Variants in ZNF141 observed in about 807,000 individuals in gnomAD.
ZNF141 encodes the protein zinc finger protein 141, also known as zinc finger protein 141 (clone pHZ-44).
ZNF141 carries 7 observed loss-of-function variants against 11.3 expected under a neutral mutation model. The observed-to-expected ratio is 0.62, with a 90% CI of 0.35 to 1.16. The LOEUF (loss-of-function observed/expected upper bound fraction) is 1.16, where lower values mean the gene tolerates loss of function less well. Ranked by LOEUF, ZNF141 falls within the 50% of genes most tolerant of loss-of-function variation. The probability of loss-of-function intolerance (pLI) is 0.02; values close to 1 mark genes in which losing one functional copy is unlikely to be tolerated. For missense variants in ZNF141, 535 were observed against 554.0 expected (o/e 0.97, Z 0.34); for synonymous variants, 183 against 190.7 (o/e 0.96, Z 0.33).
At position 375,440 on chromosome 4, in the gene ZNF141, A is replaced by G. The variant is rs1414379666; in HGVS notation, c.*1578A>G. Among the ~76,000 whole-genome samples the G allele has an allele frequency of 6.6e-6, 1 of 152,136 alleles. No individual in the cohort carries two copies. The highest frequency in any genetic ancestry group is 2.4e-5 in the African/African-American group (1 of 41,456). ...TCAAAAACTGCAGCTTAAACAGTTT[A>G]CACTAGAAAATATTTTGTAGATGCA... On this transcript the variant is annotated 3_prime_UTR_variant, in exon 4 of 4. Coordinates refer to ENST00000240499, the MANE Select transcript of ZNF141 (RefSeq NM_003441.4).
At chr4:362,390 C>T (rs530514695) in intron 3 of ZNF141, among the ~76,000 whole-genome samples, 2 of 152,266 alleles carry the variant, frequency 1.3e-5, no homozygotes, top group African/African-American at 4.8e-5. Flanking sequence ...TAATTAGATT[C>T]CATTTGTCAA....
At chr4:338,127 C>T in intron 1 of ZNF141, 141 bp downstream of exon 1, 2 of 1,109,882 alleles carry the variant, frequency 1.8e-6, no homozygotes, top group Non-Finnish European at 2.6e-6. Context: ...CGGTGAGGGA[C>T]CTGGGCTCCT....
In ZNF141 at chr4:373,256, TA is replaced by T; in HGVS notation, c.821del (p.Lys274ArgfsTer81). The T allele has an allele frequency of 6.2e-7, 1 of 1,613,884 alleles. No individual in the cohort carries two copies. The highest frequency in any genetic ancestry group is 8.5e-7 in the Non-Finnish European group (1 of 1,179,960). ...FNRFTTLTKH[K>X]RIHAGEKPIT... ...ATAGGTTCACAACCCTTACTAAACA[TA>T]AGAGAATTCATGCTGGAGAGAAACC... On this transcript the variant is annotated frameshift_variant, in exon 4 of 4. Coordinates refer to ENST00000240499, the MANE Select transcript of ZNF141 (RefSeq NM_003441.4). LOFTEE classifies it low-confidence loss of function (END_TRUNC).
At chr4:356,920 C>A (rs1721869052) in intron 3 of ZNF141, among the ~76,000 whole-genome samples, 1 of 151,850 alleles carries the variant, frequency 6.6e-6, no homozygotes, top group African/African-American at 2.4e-5. Flanking sequence ...AAGAGACTTA[C>A]ATGAAACCTC....
At chr4:371,763 A>T (rs1484458405) in intron 3 of ZNF141, among the ~76,000 whole-genome samples, 1 of 149,034 alleles carries the variant, frequency 6.7e-6, no homozygotes, top group African/African-American at 2.5e-5. Flanking sequence ...GATGGTCTCT[A>T]TCTCCTGACC....
In ZNF141 at chr4:370,845, C is replaced by T. The variant is rs570408580; in HGVS notation, c.227-1819C>T. On this transcript the variant is annotated intron_variant, in intron 3 of 3. Coordinates refer to ENST00000240499, the MANE Select transcript of ZNF141 (RefSeq NM_003441.4). ...TCCCAGGTTCACACCATTCTCCTGCCTCAGCCTCCCGCATAGCTGGGACTA... is the reference window on the plus strand; with the variant it reads ...TCCCAGGTTCACACCATTCTCCTGCTTCAGCCTCCCGCATAGCTGGGACTA... Among the ~76,000 whole-genome samples, 17 of 152,116 alleles carry T rather than the reference C, an allele frequency of 1.1e-4. 1 individual carries two copies. Among genetic ancestry groups the T allele is most frequent in the African/African-American group, 3.9e-4 (16 of 41,520 alleles).
Position 382,671 on chromosome 4 carries a change from G to T in ZNF141, c.*8809G>T, listed in dbSNP as rs1553855873. On this transcript the variant is annotated 3_prime_UTR_variant, in exon 4 of 4. Transcript: ENST00000240499. ...TCCCTGGAGTGAATTATTTCCAATG[G>T]TGAAGAGTAATGGATGGATGGCATG... 6.5e-6 allele frequency: 1 copy of T among 152,764 alleles called. No homozygotes were observed. The highest frequency in any genetic ancestry group is 2.4e-5 in the African/African-American group (1 of 41,444). 9.5% of individuals were successfully genotyped at this position (152,764 alleles called of 1,614,324 possible). A position where few individuals can be genotyped will look rare whatever the true frequency, so the allele number is the denominator to read the frequency against.
At chr4:338,798 T>C (rs1320418162) in intron 1 of ZNF141, among the ~76,000 whole-genome samples, 3 of 152,164 alleles carry the variant, frequency 2.0e-5, no homozygotes, top group Non-Finnish European at 4.4e-5. Context: ...TAGTGAGTTG[T>C]TGGACAGCCC....
At chr4:345,729 C>CAAAA (rs1321182710) in intron 3 of ZNF141, among the ~76,000 whole-genome samples, 33 of 64,566 alleles carry the variant, frequency 5.1e-4, no homozygotes, top group African/African-American at 1.4e-3. Context: ...ACTCTGTCTC[C>CAAAA]AAAAAAAAAA....
At position 375,983 on chromosome 4, in the gene ZNF141, G is replaced by C. The variant is rs73219216; in HGVS notation, c.*2121G>C. On this transcript the variant is annotated 3_prime_UTR_variant, in exon 4 of 4. Coordinates refer to ENST00000240499, the MANE Select transcript of ZNF141 (RefSeq NM_003441.4). ...AATATTCTTCTGCATTATAGTGAGA[G>C]AAAATCTGTTTTAGTAGTAAATTGT... is the stretch of plus-strand genomic sequence containing the variant. Among the ~76,000 whole-genome samples the C allele has an allele frequency of 6.4e-3, 969 of 152,020 alleles. 5 individuals carry two copies. Among genetic ancestry groups the C allele is most frequent in the Non-Finnish European group, 9.4e-3 (638 of 67,872 alleles).
chr4:367,827 GT>G (rs1190341801), intron 3 of ZNF141, among the ~76,000 whole-genome samples: 1 of 152,008 alleles, frequency 6.6e-6, no homozygotes, highest in African/African-American at 2.4e-5. Context: ...CTTAAATACT[GT>G]TTTTTTCCAA....
rs1269092454 is a variant in ZNF141, at chr4:372,708, A to G, written c.271A>G (p.Ile91Val). Reference protein sequence around the residue: ...FTQDHWPVQGIEDSFHKLILR... With the variant: ...FTQDHWPVQGVEDSFHKLILR... Reference sequence around the variant, plus strand: ...CCAAGACCATTGGCCAGTGCAGGGCATAGAAGATTCATTCCACAAACTTAT... The same window carrying G: ...CCAAGACCATTGGCCAGTGCAGGGCGTAGAAGATTCATTCCACAAACTTAT... Residue 91 changes from isoleucine to valine, a missense_variant, in exon 4 of 4, where the codon ATA (isoleucine) becomes GTA (valine). By Grantham distance (29) the Ile-to-Val change is conservative. Coordinates refer to ENST00000240499, the MANE Select transcript of ZNF141 (RefSeq NM_003441.4). 1 of 1,604,816 alleles carries G rather than the reference A, an allele frequency of 6.2e-7. No homozygotes were observed. Among genetic ancestry groups the G allele is most frequent in the Non-Finnish European group, 8.5e-7 (1 of 1,174,764 alleles).
At chr4:350,190 T>G (rs999895728) in intron 3 of ZNF141, 2 of 534,698 alleles carry the variant, frequency 3.7e-6, no homozygotes, top group African/African-American at 3.8e-5. Flanking sequence ...TGCCATTTCC[T>G]TGTCTGTAGC....
chr4:360,049 A>G lies in ZNF141; in HGVS notation c.227-12615A>G, dbSNP rs189755217. ...GCTATGTTTACAATGAGAATTAATT[A>G]CATTTCATTCTGTATTGTGGGCAAG... is the stretch of plus-strand genomic sequence containing the variant. On this transcript the variant is annotated intron_variant, in intron 3 of 3. Transcript: ENST00000240499. Among the ~76,000 whole-genome samples the G allele has an allele frequency of 1.5e-4, 23 of 152,356 alleles. No homozygotes were observed. In the East Asian group the frequency reaches 4.4e-3, roughly 29 times the overall value.
intron 1 of ZNF141, chr4:338,253 G>T (rs782397195): frequency 9.4e-6 from 4 of 423,352 alleles, no homozygotes. Context: ...TCTGGAAGCC[G>T]CCCGCGCGGC....
At chr4:358,268 A>G (rs1214387266) in intron 3 of ZNF141, 4 of 373,906 alleles carry the variant, frequency 1.1e-5, no homozygotes, top group Non-Finnish European at 2.0e-5. Context: ...GCTGACTGCA[A>G]CCTCTACCTC....
intron 1 of ZNF141, among the ~76,000 whole-genome samples, chr4:339,950 G>A (rs1471173614): frequency 6.6e-6 from 1 of 152,196 alleles, no homozygotes; most frequent in Non-Finnish European, 1.5e-5. Context: ...AGGTGAAAGT[G>A]TAATAAACTA....
At chr4:364,764 C>T (rs1711655609) in intron 3 of ZNF141, among the ~76,000 whole-genome samples, 1 of 152,138 alleles carries the variant, frequency 6.6e-6, no homozygotes, top group African/African-American at 2.4e-5. Context: ...GGAGATGTCT[C>T]CCAGTTAGGC....
chr4:353,460 A>T (rs1342468924), intron 3 of ZNF141, among the ~76,000 whole-genome samples: 43 of 122,938 alleles, frequency 3.5e-4, no homozygotes, highest in African/African-American at 9.8e-4. Flanking sequence ...TATTATTATT[A>T]TTATTATTTT....
Sources: allele counts gnomAD v4.1 joint callset (sites outside exome capture counted in the v4.1 genomes callset), GRCh38; gene constraint gnomAD v4.1.1; transcripts MANE v1.5; gene names NCBI Gene and HGNC (gene_info 2026-07-23, HGNC 2026-07-21).